Variants in AGBL4 observed in about 807,000 individuals in gnomAD.
The protein encoded by AGBL4 is AGBL carboxypeptidase 4, also known as cytosolic carboxypeptidase 6.
A neutral mutation model predicts 66.4 loss-of-function variants in AGBL4; 58 were observed. The observed-to-expected ratio is 0.87, with a 90% CI of 0.71 to 1.09. AGBL4 has a LOEUF of 1.09. AGBL4 is among the 50% of genes least tolerant of loss of function. AGBL4 has a pLI of 0.00. For missense variants in AGBL4, 579 were observed against 631.0 expected (o/e 0.92, Z 0.88); for synonymous variants, 234 against 222.9 (o/e 1.05, Z -0.44).
intron 1 of AGBL4, among the ~76,000 whole-genome samples, chr1:49,953,828 A>G (rs551727714): frequency 1.3e-5 from 2 of 152,026 alleles, no homozygotes; most frequent in South Asian, 2.1e-4. Flanking sequence ...CACCTACCCA[A>G]TATTCTTTCT....
intron 1 of AGBL4, among the ~76,000 whole-genome samples, chr1:49,973,624 CAT>C (rs914818967): frequency 2.7e-5 from 4 of 147,658 alleles, no homozygotes; most frequent in Non-Finnish European, 6.0e-5. Flanking sequence ...ATCTATTATA[CAT>C]ATATATTATA....
At chr1:49,737,557 C>A (rs1278162798) in intron 2 of AGBL4, among the ~76,000 whole-genome samples, 1 of 152,104 alleles carries the variant, frequency 6.6e-6, no homozygotes, top group Admixed American at 6.6e-5. Flanking sequence ...GGGGCAAGAG[C>A]TGAAAAACTA....
chr1:49,002,936 T>C (rs140221900), intron 5 of AGBL4, among the ~76,000 whole-genome samples: 2 of 152,302 alleles, frequency 1.3e-5, no homozygotes, highest in African/African-American at 4.8e-5. Flanking sequence ...AGAGGCTTAG[T>C]TGGACTAGGG....
chr1:49,059,794 A>G (rs1171159792), intron 4 of AGBL4, among the ~76,000 whole-genome samples: 1 of 152,142 alleles, frequency 6.6e-6, no homozygotes, highest in African/African-American at 2.4e-5. Context: ...GAACTTTAAC[A>G]TTCAGTGACG....
At chr1:49,758,273 G>C (rs922987045) in intron 2 of AGBL4, among the ~76,000 whole-genome samples, 8 of 152,158 alleles carry the variant, frequency 5.3e-5, no homozygotes, top group African/African-American at 1.9e-4. Context: ...TTTTGCTGTG[G>C]GTAGGGAGAG....
chr1:48,653,708 A>G (rs1645971523), intron 7 of AGBL4, among the ~76,000 whole-genome samples: 1 of 152,194 alleles, frequency 6.6e-6, no homozygotes, highest in African/African-American at 2.4e-5. Context: ...TTCCTGCGGT[A>G]GAGAACTGGG....
chr1:49,517,186 A>T (rs1649896439), intron 3 of AGBL4, among the ~76,000 whole-genome samples: 1 of 151,684 alleles, frequency 6.6e-6, no homozygotes, highest in African/African-American at 2.4e-5. Flanking sequence ...AAGAAGCAGA[A>T]GTCCAAATCA....
intron 6 of AGBL4, among the ~76,000 whole-genome samples, chr1:48,716,494 C>T (rs902301634): frequency 1.3e-5 from 2 of 152,092 alleles, no homozygotes; most frequent in African/African-American, 4.8e-5. Flanking sequence ...TGCATTTGCC[C>T]CTGCCCCCAT....
At chr1:48,704,431 A>G (rs1268722501) in intron 6 of AGBL4, among the ~76,000 whole-genome samples, 1 of 152,214 alleles carries the variant, frequency 6.6e-6, no homozygotes, top group Non-Finnish European at 1.5e-5. Context: ...TACTTTATAA[A>G]CTTTTAATTT....
At position 49,413,143 on chromosome 1, in the gene AGBL4, C is replaced by T. The variant is rs980600318; in HGVS notation, c.283-167279G>A. Among the ~76,000 whole-genome samples the T allele has an allele frequency of 7.6e-4, 115 of 152,146 alleles. 1 individual carries two copies. The highest frequency in any genetic ancestry group is 2.7e-3 in the African/African-American group (112 of 41,426). Reference sequence around the variant, plus strand: ...ACAACCTGGTAGTGTCCTTTACTGTCTCATTGGGTGATTATGATTCAGTGA... The same window carrying T: ...ACAACCTGGTAGTGTCCTTTACTGTTTCATTGGGTGATTATGATTCAGTGA... On this transcript the variant is annotated intron_variant, in intron 3 of 13. Transcript: ENST00000371839.
At chr1:48,561,942 A>G (rs1644402909) in intron 11 of AGBL4, among the ~76,000 whole-genome samples, 1 of 152,224 alleles carries the variant, frequency 6.6e-6, no homozygotes, top group African/African-American at 2.4e-5. Context: ...GTCTTTATGC[A>G]TATAATCTCT....
intron 6 of AGBL4, among the ~76,000 whole-genome samples, chr1:48,829,471 C>A (rs116204974): frequency 6.6e-6 from 1 of 152,168 alleles, no homozygotes; most frequent in South Asian, 2.1e-4. Context: ...CATATATCCC[C>A]CCATTACTGA....
intron 3 of AGBL4, among the ~76,000 whole-genome samples, chr1:49,626,018 T>C (rs2124328843): frequency 6.6e-6 from 1 of 152,188 alleles, no homozygotes; most frequent in East Asian, 1.9e-4. Context: ...AAACACTATC[T>C]AGCTGATAGT....
At chr1:49,669,065 G>T (rs1418470622) in intron 3 of AGBL4, among the ~76,000 whole-genome samples, 1 of 152,110 alleles carries the variant, frequency 6.6e-6, no homozygotes, top group Non-Finnish European at 1.5e-5. Flanking sequence ...TAATGGAAGA[G>T]ACACATATGC....
chr1:48,942,310 TG>T (rs4028314), intron 5 of AGBL4, among the ~76,000 whole-genome samples: 39,811 of 142,814 alleles, frequency 0.28, 5,503 homozygotes, highest in East Asian at 0.41. Context: ...ATTATTGTGG[TG>T]GGGGGGGGGG....
chr1:49,902,396 A>C (rs1203728129), intron 1 of AGBL4, among the ~76,000 whole-genome samples: 2 of 152,238 alleles, frequency 1.3e-5, no homozygotes, highest in Non-Finnish European at 2.9e-5. Context: ...TTTCAAAAGA[A>C]TACATACATG....
At chr1:49,538,716 TA>T (rs1469633616) in intron 3 of AGBL4, among the ~76,000 whole-genome samples, 1 of 152,170 alleles carries the variant, frequency 6.6e-6, no homozygotes, top group Non-Finnish European at 1.5e-5. Flanking sequence ...CTAATAAATT[TA>T]AAAATGGAAA....
intron 4 of AGBL4, chr1:49,048,495 C>T (rs150929588): frequency 8.3e-4 from 126 of 152,170 alleles, no homozygotes; most frequent in African/African-American, 2.9e-3. Flanking sequence ...AACTGAGATG[C>T]TGTTCAGGGC....
downstream of AGBL4, among the ~76,000 whole-genome samples, chr1:48,531,666 G>C (rs111554619): frequency 1.2e-3 from 184 of 152,288 alleles, 3 homozygotes; most frequent in African/African-American, 4.1e-3. Context: ...TTGTTTGGCA[G>C]CACAGAACAA....
Sources: allele counts gnomAD v4.1 joint callset (sites outside exome capture counted in the v4.1 genomes callset), GRCh38; gene constraint gnomAD v4.1.1; transcripts MANE v1.5; gene names NCBI Gene and HGNC (gene_info 2026-07-23, HGNC 2026-07-21).